The following RTTN variants were observed in gnomAD, a reference collection of about 807,000 sequenced individuals.
The protein encoded by RTTN is rotatin.
RTTN carries 182 observed loss-of-function variants against 269.2 expected under a neutral mutation model. The observed-to-expected ratio is 0.68, with a 90% CI of 0.60 to 0.76. RTTN has a LOEUF of 0.76. RTTN is among the 30% of genes least tolerant of loss of function. The probability of loss-of-function intolerance (pLI) is 0.00; values close to 1 mark genes in which losing one functional copy is unlikely to be tolerated. For synonymous variants in RTTN, 1,006 were observed against 963.5 expected, an observed-to-expected ratio of 1.04 and a Z score of -0.82; for missense variants, 2,545 against 2,608.6, an observed-to-expected ratio of 0.98 and a Z score of 0.53.
Position 70,176,668 on chromosome 18 carries a change from G to C in RTTN, c.1476+7C>G. 1 of 1,611,376 alleles carries C rather than the reference G, an allele frequency of 6.2e-7. No homozygotes were observed. The highest frequency in any genetic ancestry group is 8.5e-7 in the Non-Finnish European group (1 of 1,178,572). ...AAAGTACAAATGAGCAGCATTGCCTGCCTTACCTTTTCAACAGGGAGAAGC... is the reference window on the plus strand; with the variant it reads ...AAAGTACAAATGAGCAGCATTGCCTCCCTTACCTTTTCAACAGGGAGAAGC... On this transcript the variant is annotated splice_region_variant and intron_variant, in intron 11 of 48. Coordinates refer to ENST00000640769, the MANE Select transcript of RTTN (RefSeq NM_173630.4).
chr18:70,030,692 CTT>C (rs1479390051), intron 41 of RTTN, among the ~76,000 whole-genome samples, 182 bp downstream of exon 41: 1 of 152,056 alleles, frequency 6.6e-6, no homozygotes, highest in Non-Finnish European at 1.5e-5. Context: ...TATGTCTAAT[CTT>C]TTTATTTGAA....
intron 14 of RTTN, among the ~76,000 whole-genome samples, chr18:70,163,457 A>C (rs2060902132): frequency 6.6e-6 from 1 of 152,280 alleles, no homozygotes; most frequent in East Asian, 1.9e-4. Context: ...GCCAGTGGGA[A>C]CATAAAATAG....
chr18:70,144,568 TGGACTCAC>T (rs2060340152), intron 18 of RTTN, among the ~76,000 whole-genome samples: 1 of 152,128 alleles, frequency 6.6e-6, no homozygotes, highest in African/African-American at 2.4e-5. Context: ...AGTCCTAACA[TGGACTCAC>T]AGAAGACGTA....
chr18:70,065,552 A>G (rs1024308374), intron 35 of RTTN, among the ~76,000 whole-genome samples: 2 of 152,176 alleles, frequency 1.3e-5, no homozygotes, highest in Non-Finnish European at 2.9e-5. Context: ...GTTAAGTTAT[A>G]CCCATCAGTT....
intron 11 of RTTN, among the ~76,000 whole-genome samples, chr18:70,175,799 G>T (rs911630438): frequency 1.3e-5 from 2 of 152,010 alleles, no homozygotes; most frequent in Non-Finnish European, 2.9e-5. Flanking sequence ...ACAAGAAAAA[G>T]AAAAGGTTCC....
chr18:70,074,254 G>C lies in RTTN; in HGVS notation c.4565-260C>G, dbSNP rs12965140. The stretch of plus-strand genomic sequence containing the variant: ...CCAGAGGCTCCAATACCCCAGGTCA[G>C]AGTGGAAGCCCTGAGTGTTCACTTC... On this transcript the variant is annotated intron_variant, in intron 33 of 48. Coordinates refer to ENST00000640769, the MANE Select transcript of RTTN (RefSeq NM_173630.4). 0.73 allele frequency among the ~76,000 whole-genome samples: 110,176 copies of C among 151,942 alleles called. 46,622 individuals are homozygous for C. The highest frequency in any genetic ancestry group is 1 in the East Asian group (5,152 of 5,170).
chr18:70,016,250 AC>A (rs771202983), intron 46 of RTTN, among the ~76,000 whole-genome samples: 216 of 152,294 alleles, frequency 1.4e-3, no homozygotes, highest in Admixed American at 2.6e-3. Context: ...CACTTAGAAA[AC>A]CCTTGATTTC....
chr18:70,132,501 C>CA (rs1599706760), intron 23 of RTTN, among the ~76,000 whole-genome samples: 1 of 151,494 alleles, frequency 6.6e-6, no homozygotes, highest in East Asian at 1.9e-4. Flanking sequence ...ACTAGAAAAC[C>CA]TAATAAACTA....
chr18:70,158,187 AAG>A (rs2060734037), intron 14 of RTTN, among the ~76,000 whole-genome samples: 2 of 152,140 alleles, frequency 1.3e-5, no homozygotes, highest in South Asian at 4.1e-4. Context: ...AAAATCTTAA[AAG>A]GAAGCTAGAA....
At chr18:70,063,622 A>AT (rs146921332) in intron 35 of RTTN, among the ~76,000 whole-genome samples, 2,959 of 152,314 alleles carry the variant, frequency 0.019, 96 homozygotes, top group African/African-American at 0.066. Context: ...AATTGAGATA[A>AT]TTCTAATGAA....
intron 28 of RTTN, among the ~76,000 whole-genome samples, chr18:70,094,563 G>C (rs2058944892): frequency 6.6e-6 from 1 of 152,148 alleles, no homozygotes; most frequent in African/African-American, 2.4e-5. Flanking sequence ...TTCAGGAGCA[G>C]GTTGTTCAGT....
At chr18:70,176,229 ATAT>A (rs1268530404) in intron 11 of RTTN, among the ~76,000 whole-genome samples, 33 of 151,562 alleles carry the variant, frequency 2.2e-4, no homozygotes, top group Non-Finnish European at 3.7e-4. Flanking sequence ...ATGTATATGT[ATAT>A]GTATATGTAT....
chr18:70,154,756 C>G (rs1387590100), intron 14 of RTTN, among the ~76,000 whole-genome samples: 2 of 152,146 alleles, frequency 1.3e-5, no homozygotes, highest in Non-Finnish European at 2.9e-5. Context: ...TCCTCCCCGA[C>G]AGCAATGAAA....
At chr18:70,098,989 T>C (rs1454482360) in intron 28 of RTTN, among the ~76,000 whole-genome samples, 2 of 152,232 alleles carry the variant, frequency 1.3e-5, no homozygotes, top group African/African-American at 4.8e-5. Flanking sequence ...ATTTTATGGC[T>C]GCATAGTATT....
chr18:70,095,233 T>C (rs1032402410), intron 28 of RTTN, among the ~76,000 whole-genome samples: 42 of 152,158 alleles, frequency 2.8e-4, no homozygotes, highest in African/African-American at 3.1e-4. Flanking sequence ...AGCACACTGA[T>C]AGGTCTTGCC....
chr18:70,083,121 C>A (rs1339712767), intron 32 of RTTN, among the ~76,000 whole-genome samples: 1 of 152,080 alleles, frequency 6.6e-6, no homozygotes, highest in African/African-American at 2.4e-5. Flanking sequence ...ACAGCAGGAA[C>A]TGGGTTCTCA....
intron 17 of RTTN, among the ~76,000 whole-genome samples, chr18:70,148,165 T>C (rs2060444773): frequency 1.3e-5 from 2 of 152,156 alleles, no homozygotes; most frequent in South Asian, 2.1e-4. Flanking sequence ...AAATTATCCA[T>C]TGTGAAAAGA....
Position 70,075,290 on chromosome 18 carries a change from T to A in RTTN, c.4564+62A>T. Reference sequence around the variant, plus strand: ...CAAATTTTTAAAACAAATATATGTATTTTTAACAGTTTTTACAAGTTACAT... The same window carrying A: ...CAAATTTTTAAAACAAATATATGTAATTTTAACAGTTTTTACAAGTTACAT... On this transcript the variant is annotated intron_variant, in intron 33 of 48. Coordinates refer to ENST00000640769, the MANE Select transcript of RTTN (RefSeq NM_173630.4). 3.4e-6 allele frequency: 4 copies of A among 1,193,008 alleles called. 1 individual carries two copies. The South Asian group carries it at 4.6e-5, about 14-fold the overall frequency. The allele number at this position is 1,193,008 out of a possible 1,614,324, so 73.9% of individuals were successfully genotyped here.
chr18:70,044,662 G>GTC (rs1341460090), intron 40 of RTTN, among the ~76,000 whole-genome samples: 2 of 152,138 alleles, frequency 1.3e-5, no homozygotes, highest in East Asian at 1.9e-4. Context: ...TGGCCTCTCT[G>GTC]TCTCTCTCTC....
Sources: allele counts gnomAD v4.1 joint callset (sites outside exome capture counted in the v4.1 genomes callset), GRCh38; gene constraint gnomAD v4.1.1; transcripts MANE v1.5; gene names NCBI Gene and HGNC (gene_info 2026-07-23, HGNC 2026-07-21).